The following MADD variants were observed in gnomAD, a reference collection of about 807,000 sequenced individuals.
MADD encodes MAP kinase activating death domain.
In MADD, 109 loss-of-function variants were observed where a neutral mutation model predicts 176.7. The ratio of observed to expected loss-of-function variants is 0.62; its 90% CI spans 0.53 to 0.72. The LOEUF (loss-of-function observed/expected upper bound fraction) is 0.72. Among genes scored for constraint, MADD ranks in the 30% least tolerant of loss-of-function variants. The probability of loss-of-function intolerance (pLI) is 0.00; values close to 1 mark genes in which losing one functional copy is unlikely to be tolerated. For missense variants in MADD, 1,914 were observed against 2,045.5 expected, an observed-to-expected ratio of 0.94 and a Z score of 1.24; for synonymous variants, 771 against 771.3, an observed-to-expected ratio of 1.00 and a Z score of 0.01.
intron 1 of MADD, among the ~76,000 whole-genome samples, chr11:47,273,212 A>G (rs183188386): frequency 1.3e-5 from 2 of 152,292 alleles, no homozygotes; most frequent in East Asian, 1.9e-4. Flanking sequence ...GAGTGACTTC[A>G]ATTTTTGTTA....
In MADD at chr11:47,278,880, T is replaced by C. The variant is rs1202545607; in HGVS notation, c.1210-119T>C. 6 of 730,614 alleles carry C rather than the reference T, an allele frequency of 8.2e-6. No homozygotes were observed. The East Asian group carries it at 8.4e-5, about 10-fold the overall frequency. 45.3% of individuals were successfully genotyped at this position (730,614 alleles called of 1,614,324 possible). On this transcript the variant is annotated intron_variant, in intron 6 of 32. Coordinates refer to ENST00000402192, the Ensembl canonical transcript of MADD. ...ACATATATCTTACTGTGCAGTTATATAATGTATATTCGTTTATATAATAAT... is the reference window on the plus strand; with the variant it reads ...ACATATATCTTACTGTGCAGTTATACAATGTATATTCGTTTATATAATAAT...
intron 19 of MADD, 129 bp from the exon 22 acceptor site, chr11:47,293,754 G>T (rs1251082906): frequency 1.6e-6 from 1 of 631,202 alleles, no homozygotes; most frequent in South Asian, 2.0e-5. Flanking sequence ...TGAGTGGGGG[G>T]TAGTCCTTGG....
chr11:47,286,881 C>T (rs2061018600), intron 15 of MADD, among the ~76,000 whole-genome samples: 1 of 152,178 alleles, frequency 6.6e-6, no homozygotes, highest in African/African-American at 2.4e-5. Context: ...AAATTCCGTG[C>T]CAAGGAGCTG....
chr11:47,312,775 A>G (rs1594727737), intron 26 of MADD, among the ~76,000 whole-genome samples: 1 of 152,320 alleles, frequency 6.6e-6, no homozygotes, highest in African/African-American at 2.4e-5. Context: ...GTGCTTGTAA[A>G]TGTCCTTGAA....
At position 47,295,729 on chromosome 11, in the gene MADD, C is replaced by A. The variant is rs151052286; in HGVS notation, c.3483+153C>A. ...GTTTACCATCATAGGTGTGTGTATA[C>A]GAGATTTCACCCAGAGCTTCTCATC... is the stretch of plus-strand genomic sequence containing the variant. On this transcript the variant is annotated intron_variant, in intron 21 of 32. Transcript: ENST00000402192. 4.0e-4 allele frequency: 606 copies of A among 1,527,496 alleles called. 2 individuals are homozygous for A. In the African/African-American group the frequency reaches 7.6e-3, roughly 19 times the overall value. The allele number at this position is 1,527,496 out of a possible 1,614,324, so 94.6% of individuals were successfully genotyped here. A position where few individuals can be genotyped will look rare whatever the true frequency, so the allele number is the denominator to read the frequency against.
intron 22 of MADD, among the ~76,000 whole-genome samples, chr11:47,301,729 G>A (rs2077952301): frequency 6.6e-6 from 1 of 152,086 alleles, no homozygotes; most frequent in African/African-American, 2.4e-5. Flanking sequence ...CCATTTATTT[G>A]TATGATTTTA....
At chr11:47,327,909 G>A (rs1202063055) in intron 31 of MADD, 1 of 985,242 alleles carries the variant, frequency 1.0e-6, no homozygotes, top group Non-Finnish European at 1.2e-6. Context: ...CAGAACCCCT[G>A]CATGGCTGGA....
chr11:47,295,273 A>C (rs184391308), intron 20 of MADD, among the ~76,000 whole-genome samples: 1 of 152,052 alleles, frequency 6.6e-6, no homozygotes, highest in Non-Finnish European at 1.5e-5. Context: ...CAGCCTCCCA[A>C]AGTGCTAGGA....
At chr11:47,315,548 C>T (rs978534437) in intron 27 of MADD, among the ~76,000 whole-genome samples, 4 of 151,964 alleles carry the variant, frequency 2.6e-5, no homozygotes, top group Admixed American at 2.0e-4. Flanking sequence ...GATCTCGGCT[C>T]ACTGCAACCT....
At chr11:47,309,081 C>T (rs1192560562) in intron 23 of MADD, 39 bp downstream of exon 26, 2 of 1,594,594 alleles carry the variant, frequency 1.3e-6, no homozygotes, top group East Asian at 2.2e-5. Context: ...CATCCCTCCT[C>T]CTTGGGAGGG....
chr11:47,307,611 CATG>C (rs1430187615), intron 22 of MADD, among the ~76,000 whole-genome samples: 1 of 151,974 alleles, frequency 6.6e-6, no homozygotes, highest in African/African-American at 2.4e-5. Flanking sequence ...TGTGAAATGG[CATG>C]ATATTACCTA....
intron 30 of MADD, 114 bp from the exon 34 acceptor site, chr11:47,326,430 C>A: frequency 1.3e-6 from 1 of 757,176 alleles, no homozygotes; most frequent in Non-Finnish European, 1.8e-6. Context: ...ACAAGCACTG[C>A]CCTGGGCAGA....
At chr11:47,295,302 G>A (rs990455550) in intron 20 of MADD, among the ~76,000 whole-genome samples, 194 bp from the exon 23 acceptor site, 1 of 152,154 alleles carries the variant, frequency 6.6e-6, no homozygotes. Flanking sequence ...GTGAGCCACT[G>A]TGCCCGGCCT....
exon 33 of MADD, chr11:47,329,378 G>T: frequency 1.8e-6 from 1 of 567,776 alleles, no homozygotes. Context: ...CTTCCCCTCA[G>T]GGCTCAAGAA....
intron 27 of MADD, among the ~76,000 whole-genome samples, chr11:47,315,686 GCTGGT>G (rs1440351830): frequency 6.6e-6 from 1 of 152,014 alleles, no homozygotes; most frequent in Non-Finnish European, 1.5e-5. Flanking sequence ...TGTTGGCCAG[GCTGGT>G]CTCAAACTCC....
intron 21 of MADD, 23 bp from the exon 24 acceptor site, chr11:47,295,874 T>G: frequency 6.2e-7 from 1 of 1,605,530 alleles, no homozygotes; most frequent in Non-Finnish European, 8.5e-7. Context: ...GGACTGTCTC[T>G]TACTACCTTT....
exon 9 of MADD, chr11:47,282,414 C>G (rs1371179363): frequency 6.2e-7 from 1 of 1,614,038 alleles, no homozygotes; most frequent in Non-Finnish European, 8.5e-7. Context: ...ATTCCGCCAA[C>G]GTGCTGCAGG....
chr11:47,309,054 T>C lies in MADD; in HGVS notation c.3752-227T>C. 6.2e-7 allele frequency: 1 copy of C among 1,613,910 alleles called. No individual in the cohort carries two copies. The highest frequency in any genetic ancestry group is 1.1e-5 in the South Asian group (1 of 91,018). ...GACCTTTTCTATAAGTAACCACATT[T>C]ATTTGTGTGCTGTGTTCATCCCTCC... On this transcript the variant is annotated intron_variant, in intron 23 of 32. Coordinates refer to ENST00000402192, the Ensembl canonical transcript of MADD.
chr11:47,285,166 C>T lies in MADD; in HGVS notation c.2383C>T (p.Arg795Ter), dbSNP rs1327470716. 10 of 1,613,870 alleles carry T rather than the reference C, an allele frequency of 6.2e-6. No individual in the cohort carries two copies. Among genetic ancestry groups the T allele is most frequent in the African/African-American group, 1.3e-5 (1 of 74,886 alleles). ...TGAGCAGGGGGAAAGTTACACTCCCCGATTCAGCCAACATGTCAGTGGCAA... is the reference window on the plus strand; with the variant it reads ...TGAGCAGGGGGAAAGTTACACTCCCTGATTCAGCCAACATGTCAGTGGCAA... The change falls in exon 13 of 33, where the codon CGA becomes TGA. Residue 795 changes from arginine (R) to a stop codon, truncating the protein, a stop_gained. Transcript: ENST00000402192. LOFTEE classifies it high-confidence loss of function.
Sources: gnomAD v4.1 joint callset for allele counts (sites outside exome capture counted in the v4.1 genomes callset) on GRCh38, gnomAD v4.1.1 for gene constraint, MANE v1.5 for transcripts, NCBI Gene and HGNC (gene_info 2026-07-23, HGNC 2026-07-21) for gene names.